The following NCF2 variants were observed in gnomAD, a reference collection of about 807,000 sequenced individuals.
NCF2 encodes neutrophil cytosolic factor 2.
Under a neutral mutation model 70.9 loss-of-function variants are expected in NCF2, and 45 were observed. That is an observed-to-expected ratio of 0.63 (90% confidence interval 0.50 to 0.81). The LOEUF (loss-of-function observed/expected upper bound fraction) is 0.81, where lower values mean the gene tolerates loss of function less well. Among genes scored for constraint, NCF2 ranks in the 40% least tolerant of loss-of-function variants. The pLI, the probability that NCF2 is intolerant of heterozygous loss-of-function variation, is 0.00. For synonymous variants in NCF2, 203 were observed against 233.6 expected, an observed-to-expected ratio of 0.87 and a Z score of 1.19; for missense variants, 522 against 631.6, an observed-to-expected ratio of 0.83 and a Z score of 1.86.
At chr1:183,579,209 G>C (rs1408503651) in intron 2 of NCF2, among the ~76,000 whole-genome samples, 3 of 152,222 alleles carry the variant, frequency 2.0e-5, no homozygotes, top group Non-Finnish European at 4.4e-5. Flanking sequence ...ACCCTAGCAA[G>C]TCACTTTCCT....
chr1:183,599,423 CTTCTTTCTTTCTTTCTTTCTTTCT>C, the NCF2 span, among the ~76,000 whole-genome samples: 1 of 107,426 alleles, frequency 9.3e-6, no homozygotes, highest in African/African-American at 3.8e-5. Context: ...TCTTTCTTTC[CTTCTTTCTTTCTTTCTTTCTTTCT>C]TTCTTTCTTT....
At chr1:183,584,960 G>A (rs969735952) in intron 2 of NCF2, among the ~76,000 whole-genome samples, 8 of 152,240 alleles carry the variant, frequency 5.3e-5, no homozygotes, top group African/African-American at 1.9e-4. Context: ...GGGGAAGAGA[G>A]AGCTAAATGC....
At chr1:183,556,335 C>CTAAT in intron 14 of NCF2, 105 bp from the exon 15 acceptor site, 4 of 970,794 alleles carry the variant, frequency 4.1e-6, no homozygotes, top group Non-Finnish European at 6.6e-6. Context: ...TTCCCCACCC[C>CTAAT]TAATTGTGAT....
intron 14 of NCF2, among the ~76,000 whole-genome samples, chr1:183,557,365 T>C (rs562537763): frequency 2.0e-5 from 3 of 152,332 alleles, no homozygotes; most frequent in African/African-American, 7.2e-5. Context: ...TTCCCTTAGG[T>C]AATTCTAACT....
intron 13 of NCF2, among the ~76,000 whole-genome samples, chr1:183,562,539 C>A (rs1339961243): frequency 6.6e-6 from 1 of 152,096 alleles, no homozygotes; most frequent in African/African-American, 2.4e-5. Context: ...CTTTTCTAGG[C>A]TCATTCTCTT....
intron 13 of NCF2, among the ~76,000 whole-genome samples, chr1:183,561,189 G>A (rs923071805): frequency 1.3e-5 from 2 of 152,218 alleles, no homozygotes; most frequent in African/African-American, 2.4e-5. Flanking sequence ...AGAAGGATGC[G>A]GTTTCTACAG....
chr1:183,560,382 A>C, intron 13 of NCF2, 109 bp from the exon 14 acceptor site: 6 of 1,281,834 alleles, frequency 4.7e-6, no homozygotes, highest in Non-Finnish European at 6.8e-6. Context: ...ATATAAACTC[A>C]TAAAGTTTGT....
Position 183,577,623 on chromosome 1 carries a change from G to C in NCF2, c.342C>G (p.Leu114=), listed in dbSNP as rs778259155. The change falls in exon 3 of 15, where the codon CTC becomes CTG. Residue 114 remains leucine (L), a synonymous_variant. Transcript: ENST00000367535. ...NQLIDYKILG[L]QFKLFACEVL... is the part of the protein sequence containing the mutation. ...CCTCACAGGCAAACAGCTTGAACTGGAGCCCCAGGATCTTATAGTCTATCA... is the reference window on the plus strand; with the variant it reads ...CCTCACAGGCAAACAGCTTGAACTGCAGCCCCAGGATCTTATAGTCTATCA... 6.2e-7 allele frequency: 1 copy of C among 1,613,818 alleles called. No individual in the cohort carries two copies. Among genetic ancestry groups the C allele is most frequent in the Non-Finnish European group, 8.5e-7 (1 of 1,179,746 alleles).
At chr1:183,574,830 C>G (rs1010504518) in intron 3 of NCF2, among the ~76,000 whole-genome samples, 1 of 152,066 alleles carries the variant, frequency 6.6e-6, no homozygotes, top group Non-Finnish European at 1.5e-5. Flanking sequence ...CCATGGAATG[C>G]GTAAATGCAA....
intron 14 of NCF2, among the ~76,000 whole-genome samples, chr1:183,556,916 A>G (rs916694958): frequency 6.6e-6 from 1 of 152,224 alleles, no homozygotes; most frequent in Non-Finnish European, 1.5e-5. Flanking sequence ...CATTGGTTAA[A>G]TATATTAAAA....
intron 9 of NCF2, among the ~76,000 whole-genome samples, chr1:183,566,107 G>A (rs1572153855): frequency 6.6e-6 from 1 of 152,210 alleles, no homozygotes; most frequent in African/African-American, 2.4e-5. Flanking sequence ...CACTGCAGAG[G>A]GCATTGAGAA....
In NCF2 at chr1:183,567,184, G is replaced by T. The variant is rs761119292; in HGVS notation, c.855+20C>A. The T allele has an allele frequency of 1.2e-6, 2 of 1,613,996 alleles. No individual in the cohort carries two copies. Among genetic ancestry groups the T allele is most frequent in the South Asian group, 2.2e-5 (2 of 91,056 alleles). On this transcript the variant is annotated intron_variant, in intron 8 of 14. Coordinates refer to ENST00000367535, the MANE Select transcript of NCF2 (RefSeq NM_000433.4). The stretch of plus-strand genomic sequence containing the variant: ...CCAGGATCCCATGCCCATCGCACCA[G>T]CCCCTGATCCTCTGCATACCTGCCC...
At chr1:183,587,081 G>T in intron 1 of NCF2, 104 bp from the exon 2 acceptor site, 1 of 1,124,330 alleles carries the variant, frequency 8.9e-7, no homozygotes, top group Non-Finnish European at 1.3e-6. Flanking sequence ...GCCCAGCTCT[G>T]CTGTCTGCCC....
Position 183,577,747 on chromosome 1 carries a change from G to A in NCF2, c.258-40C>T, listed in dbSNP as rs371755664. 62 of 1,367,084 alleles carry A rather than the reference G, an allele frequency of 4.5e-5. No individual in the cohort carries two copies. In the South Asian group the frequency reaches 7.0e-4, roughly 15 times the overall value. 84.7% of individuals were successfully genotyped at this position (1,367,084 alleles called of 1,614,324 possible). ...GAGAAAATACAGCAGTCTAGTGGATGGAGAAATAAATGCAGCATAAAATGT... is the reference window on the plus strand; with the variant it reads ...GAGAAAATACAGCAGTCTAGTGGATAGAGAAATAAATGCAGCATAAAATGT... On this transcript the variant is annotated intron_variant, in intron 2 of 14. Coordinates refer to ENST00000367535, the MANE Select transcript of NCF2 (RefSeq NM_000433.4).
rs761315970 is a variant in NCF2, at chr1:183,567,323, G to A, written c.736C>T (p.Arg246Cys). 16 of 1,613,980 alleles carry A rather than the reference G, an allele frequency of 9.9e-6. No homozygotes were observed. Among genetic ancestry groups the A allele is most frequent in the Middle Eastern group, 1.6e-4 (1 of 6,084 alleles). The change falls in exon 8 of 15, where the codon CGT becomes TGT. Residue 246 changes from arginine (R) to cysteine (C), a missense_variant. By Grantham distance (180) the Arg-to-Cys change is radical. Transcript: ENST00000367535. ...TCAGGCACAAACCCAAATAGCACAC[G>A]GTGAGCCTCCCCTTCCAGAGCCCTG... ...IFRALEGEAH[R>C]VLFGFVPETK... is the part of the protein sequence containing the mutation.
Position 183,590,280 on chromosome 1 carries a change from G to T in NCF2, c.50C>A (p.Ala17Glu), listed in dbSNP as rs201589700. 1 of 1,614,112 alleles carries T rather than the reference G, an allele frequency of 6.2e-7. No homozygotes were observed. The highest frequency in any genetic ancestry group is 1.1e-5 in the South Asian group (1 of 91,074). The stretch of plus-strand genomic sequence containing the variant: ...GGCTCCCTTCCAGTCCTTCTTGTCC[G>T]CTGCCAGCACCCCTTCATTCCAGAG... ...ISLWNEGVLAADKKDWKGALD... is the reference protein window; with the variant it reads ...ISLWNEGVLAEDKKDWKGALD... The change falls in exon 1 of 15, where the codon GCG becomes GAG. Residue 17 changes from alanine (A) to glutamate (E), a missense_variant. By Grantham distance (107) the Ala-to-Glu change is moderately radical (BLOSUM62 -1). Transcript: ENST00000367535.
intron 9 of NCF2, 124 bp from the exon 10 acceptor site, chr1:183,565,903 G>T (rs1572153669): frequency 1.1e-6 from 1 of 936,350 alleles, no homozygotes; most frequent in East Asian, 2.6e-5. Flanking sequence ...CGTCCTAAAA[G>T]TTGGAATGGT....
chr1:183,562,377 G>T (rs1411096859), intron 13 of NCF2, among the ~76,000 whole-genome samples: 2 of 151,990 alleles, frequency 1.3e-5, no homozygotes, highest in Non-Finnish European at 2.9e-5. Flanking sequence ...ACTTCCAAGA[G>T]ACCCCTTACA....
At chr1:183,567,063 C>G (rs1672333280) in intron 8 of NCF2, 75 bp from the exon 9 acceptor site, 2 of 1,608,256 alleles carry the variant, frequency 1.2e-6, no homozygotes, top group Non-Finnish European at 8.5e-7. Flanking sequence ...ACAGAACAGC[C>G]CAGAGTCCTG....
Sources: allele counts gnomAD v4.1 joint callset (sites outside exome capture counted in the v4.1 genomes callset), GRCh38; gene constraint gnomAD v4.1.1; transcripts MANE v1.5; gene names NCBI Gene and HGNC (gene_info 2026-07-23, HGNC 2026-07-21).